The following ALMS1 variants were observed in gnomAD, a reference collection of about 807,000 sequenced individuals.
The protein encoded by ALMS1 is ALMS1 centrosome and basal body associated protein.
In ALMS1, 271 loss-of-function variants were observed where a neutral mutation model predicts 352.2. The observed-to-expected ratio is 0.77, with a 90% CI of 0.70 to 0.85. The LOEUF is 0.85. Ranked by LOEUF, ALMS1 falls within the 40% of genes least tolerant of loss-of-function variation. The pLI is 0.00. For synonymous variants in ALMS1, 1,865 were observed against 1,761.2 expected (o/e 1.06, Z -1.48); for missense variants, 5,445 against 4,870.7 (o/e 1.12, Z -3.51).
chr2:73,522,184 C>G (rs1181341907), intron 11 of ALMS1, among the ~76,000 whole-genome samples: 2 of 152,166 alleles, frequency 1.3e-5, no homozygotes, highest in Non-Finnish European at 2.9e-5. Context: ...GTCTCAGGTC[C>G]ATCGCCATGT....
rs1201981604 is a variant in ALMS1, at chr2:73,452,555, G to A, written c.6028G>A (p.Glu2010Lys). The A allele has an allele frequency of 6.2e-7, 1 of 1,614,034 alleles. No homozygotes were observed. The highest frequency in any genetic ancestry group is 1.1e-5 in the South Asian group (1 of 91,078). Residue 2010 changes from glutamate to lysine, a missense_variant, in exon 8 of 23, where the codon GAG (glutamate) becomes AAG (lysine). Coordinates refer to ENST00000613296, the MANE Select transcript of ALMS1 (RefSeq NM_001378454.1). ...GCATATACCAGATGACCAGAAAACT[G>A]AGTTTCCAGCAGCTACCCTTAGTTC... ...TVHIPDDQKT[E>K]FPAATLSSYS...
chr2:73,386,410 T>C (rs932084431), intron 1 of ALMS1, among the ~76,000 whole-genome samples: 8 of 151,890 alleles, frequency 5.3e-5, no homozygotes, highest in Non-Finnish European at 1.0e-4. Flanking sequence ...CCTCGGTGGG[T>C]CCTGGGCCTT....
intron 9 of ALMS1, among the ~76,000 whole-genome samples, chr2:73,467,606 C>T (rs1283302368): frequency 2.0e-5 from 3 of 151,970 alleles, no homozygotes; most frequent in Admixed American, 6.6e-5. Flanking sequence ...TTTTTAGGTA[C>T]GTACTCAAGA....
At chr2:73,482,521 A>T (rs1672732846) in intron 9 of ALMS1, among the ~76,000 whole-genome samples, 1 of 152,126 alleles carries the variant, frequency 6.6e-6, no homozygotes, top group Admixed American at 6.5e-5. Context: ...TTCATCAAGG[A>T]TATTGGTCTA....
At chr2:73,591,310 T>A (rs1675428110) in intron 16 of ALMS1, among the ~76,000 whole-genome samples, 1 of 152,218 alleles carries the variant, frequency 6.6e-6, no homozygotes, top group South Asian at 2.1e-4. Flanking sequence ...AAGCTTTTAA[T>A]CTACATGGAA....
chr2:73,526,347 T>C (rs1673790572), intron 11 of ALMS1, among the ~76,000 whole-genome samples: 1 of 152,172 alleles, frequency 6.6e-6, no homozygotes. Context: ...TTGCCTTGAA[T>C]ACAGATTCAG....
rs1172398545 is a variant in ALMS1, at chr2:73,559,258, C to T, written c.10384+116C>T. On this transcript the variant is annotated intron_variant, in intron 15 of 22. Coordinates refer to ENST00000613296, the MANE Select transcript of ALMS1 (RefSeq NM_001378454.1). ...TAGCCTCATGATTAAACAAAAATTC[C>T]TTTTCTTTTTTTAAAACTTTCTTGT... is the stretch of plus-strand genomic sequence containing the variant. 2.2e-6 allele frequency: 3 copies of T among 1,342,390 alleles called. No individual in the cohort carries two copies. In the African/African-American group the frequency reaches 4.5e-5, roughly 20 times the overall value. 83.2% of individuals were successfully genotyped at this position (1,342,390 alleles called of 1,614,324 possible).
chr2:73,538,174 C>T (rs1296101414), intron 12 of ALMS1, among the ~76,000 whole-genome samples: 1 of 152,032 alleles, frequency 6.6e-6, no homozygotes, highest in Non-Finnish European at 1.5e-5. Context: ...AGATTAATAC[C>T]TAAAATATGT....
At chr2:73,499,898 G>A (rs1239628443) in intron 10 of ALMS1, among the ~76,000 whole-genome samples, 1 of 152,026 alleles carries the variant, frequency 6.6e-6, no homozygotes, top group Non-Finnish European at 1.5e-5. Context: ...TTCTCTTCCC[G>A]TGTGATGTGG....
chr2:73,589,441 C>G (rs1272891151), intron 16 of ALMS1, among the ~76,000 whole-genome samples: 2 of 152,124 alleles, frequency 1.3e-5, no homozygotes, highest in Non-Finnish European at 2.9e-5. Context: ...TAAATGTACT[C>G]CTCAGTTCAT....
intron 13 of ALMS1, among the ~76,000 whole-genome samples, chr2:73,551,425 C>CTTTTTTTTT (rs372741747): frequency 2.7e-5 from 2 of 73,688 alleles, no homozygotes; most frequent in Non-Finnish European, 5.1e-5. Context: ...GAGTTTCAAT[C>CTTTTTTTTT]TTTTTTTTTT....
At chr2:73,503,415 A>G (rs1673257263) in intron 10 of ALMS1, among the ~76,000 whole-genome samples, 1 of 152,186 alleles carries the variant, frequency 6.6e-6, no homozygotes, top group Non-Finnish European at 1.5e-5. Context: ...ATGTCCCTAC[A>G]AAGGACATGA....
chr2:73,593,625 A>G (rs556153475), intron 16 of ALMS1, among the ~76,000 whole-genome samples: 10 of 152,222 alleles, frequency 6.6e-5, no homozygotes, highest in Non-Finnish European at 1.2e-4. Context: ...TAAAGTGTAC[A>G]GTTTAATGGG....
chr2:73,415,058 C>T (rs1671159763), intron 2 of ALMS1, among the ~76,000 whole-genome samples: 1 of 152,086 alleles, frequency 6.6e-6, no homozygotes, highest in South Asian at 2.1e-4. Flanking sequence ...TTAAATACAT[C>T]TGTATACTGA....
chr2:73,439,116 C>CTTTTTTT (rs11395640), intron 7 of ALMS1, among the ~76,000 whole-genome samples: 1 of 132,164 alleles, frequency 7.6e-6, no homozygotes, highest in African/African-American at 2.9e-5. Flanking sequence ...TCCTCCTCCT[C>CTTTTTTT]TTTTTTTTTT....
At chr2:73,441,189 G>A (rs1572926381) in intron 7 of ALMS1, among the ~76,000 whole-genome samples, 1 of 152,226 alleles carries the variant, frequency 6.6e-6, no homozygotes, top group East Asian at 1.9e-4. Flanking sequence ...GCCTCCTGAT[G>A]CATCTAGGTA....
intron 15 of ALMS1, among the ~76,000 whole-genome samples, chr2:73,568,653 A>G (rs541588968): frequency 6.6e-6 from 1 of 152,338 alleles, no homozygotes; most frequent in African/African-American, 2.4e-5. Context: ...AGGTTCAGAG[A>G]TAACCGGGAG....
chr2:73,555,231 G>A (rs1253360481), intron 13 of ALMS1, among the ~76,000 whole-genome samples: 1 of 152,178 alleles, frequency 6.6e-6, no homozygotes, highest in African/African-American at 2.4e-5. Context: ...TATTACATGT[G>A]TAGCTTATTT....
chr2:73,461,859 TG>T (rs1672210745), intron 9 of ALMS1, among the ~76,000 whole-genome samples: 1 of 152,036 alleles, frequency 6.6e-6, no homozygotes, highest in African/African-American at 2.4e-5. Flanking sequence ...GTATCAGTGA[TG>T]GAAGATGAAA....
Sources: allele counts gnomAD v4.1 joint callset (sites outside exome capture counted in the v4.1 genomes callset), GRCh38; gene constraint gnomAD v4.1.1; transcripts MANE v1.5; gene names NCBI Gene and HGNC (gene_info 2026-07-23, HGNC 2026-07-21).